THSD7A: variants seen among roughly 807,000 people sequenced by gnomAD.
THSD7A encodes thrombospondin type-1 domain-containing protein 7A.
THSD7A carries 96 observed loss-of-function variants against 231.3 expected under a neutral mutation model. That is an observed-to-expected ratio of 0.41 (90% CI 0.35 to 0.49). THSD7A has a LOEUF of 0.49. Ranked by LOEUF, THSD7A falls within the 20% of genes least tolerant of loss-of-function variation. The pLI is 0.05. For missense variants in THSD7A, 2,290 were observed against 2,070.2 expected, an observed-to-expected ratio of 1.11 and a Z score of -2.06; for synonymous variants, 940 against 743.3, an observed-to-expected ratio of 1.26 and a Z score of -4.30.
intron 4 of THSD7A, among the ~76,000 whole-genome samples, chr7:11,568,646 A>C (rs1426470541): frequency 2.0e-5 from 3 of 146,344 alleles, no homozygotes; most frequent in African/African-American, 5.0e-5. Flanking sequence ...AAAAAAAAAA[A>C]AAAAAAAACC....
intron 9 of THSD7A, among the ~76,000 whole-genome samples, chr7:11,468,646 C>T (rs1785807198): frequency 6.6e-6 from 1 of 151,836 alleles, no homozygotes; most frequent in Non-Finnish European, 1.5e-5. Context: ...CCAGCCTGGC[C>T]AAAATGGCAC....
chr7:11,706,589 C>T (rs1375373695), intron 1 of THSD7A, among the ~76,000 whole-genome samples: 2 of 141,900 alleles, frequency 1.4e-5, no homozygotes, highest in African/African-American at 5.1e-5. Flanking sequence ...TAATTTGCCA[C>T]CACTTAGTTT....
At chr7:11,476,876 T>C (rs988205607) in intron 7 of THSD7A, among the ~76,000 whole-genome samples, 2 of 151,974 alleles carry the variant, frequency 1.3e-5, no homozygotes, top group Admixed American at 6.6e-5. Context: ...CATTTTCATG[T>C]TTAATTCTGA....
rs1204924392 is a variant in THSD7A, at chr7:11,462,001, C to G, written c.2501+10G>C. Reference sequence around the variant, plus strand: ...AGCTCCTCCCTCACGATGCATTTCTCTAACCCTACCTGTAGCTTTGGCACG... The same window carrying G: ...AGCTCCTCCCTCACGATGCATTTCTGTAACCCTACCTGTAGCTTTGGCACG... On this transcript the variant is annotated intron_variant, in intron 10 of 27. Coordinates refer to ENST00000423059, the MANE Select transcript of THSD7A (RefSeq NM_015204.3). The G allele has an allele frequency of 9.9e-6, 16 of 1,612,708 alleles. No homozygotes were observed. Among genetic ancestry groups the G allele is most frequent in the Non-Finnish European group, 1.4e-5 (16 of 1,179,112 alleles).
At chr7:11,830,581 G>T (rs1583325737) in intron 1 of THSD7A, among the ~76,000 whole-genome samples, 1 of 152,208 alleles carries the variant, frequency 6.6e-6, no homozygotes, top group Non-Finnish European at 1.5e-5. Flanking sequence ...TATGTTTCAT[G>T]TAATCTTCTA....
At chr7:11,708,152 A>G (rs1463187814) in intron 1 of THSD7A, among the ~76,000 whole-genome samples, 5 of 150,804 alleles carry the variant, frequency 3.3e-5, no homozygotes, top group Admixed American at 1.3e-4. Context: ...AGCTAAGCAA[A>G]TATTTTATGT....
intron 4 of THSD7A, among the ~76,000 whole-genome samples, chr7:11,572,033 T>G (rs998235722): frequency 6.6e-6 from 1 of 152,196 alleles, no homozygotes; most frequent in Admixed American, 6.5e-5. Context: ...GGAATATCAT[T>G]AATACATTTA....
chr7:11,733,387 T>C (rs988195770), intron 1 of THSD7A, among the ~76,000 whole-genome samples: 9 of 151,918 alleles, frequency 5.9e-5, no homozygotes, highest in Non-Finnish European at 1.3e-4. Flanking sequence ...TGACATTTAA[T>C]GTTAAAAATC....
chr7:11,403,377 A>C (rs1048288528), intron 22 of THSD7A, among the ~76,000 whole-genome samples: 1 of 152,202 alleles, frequency 6.6e-6, no homozygotes, highest in Non-Finnish European at 1.5e-5. Flanking sequence ...AAAGAATGTA[A>C]TTGGTACTCC....
chr7:11,783,659 A>G (rs1562553134), intron 1 of THSD7A, among the ~76,000 whole-genome samples: 1 of 152,180 alleles, frequency 6.6e-6, no homozygotes. Flanking sequence ...AGGTAAATAT[A>G]GATTTGGGCA....
At chr7:11,429,902 A>G (rs1204690736) in intron 13 of THSD7A, among the ~76,000 whole-genome samples, 1 of 152,220 alleles carries the variant, frequency 6.6e-6, no homozygotes, top group Non-Finnish European at 1.5e-5. Context: ...TTAATAGTGC[A>G]CAGATTTGTT....
chr7:11,627,379 T>C (rs1781508106), intron 2 of THSD7A, among the ~76,000 whole-genome samples: 1 of 152,012 alleles, frequency 6.6e-6, no homozygotes. Context: ...CCTTACATAA[T>C]ATACCTACAT....
intron 6 of THSD7A, among the ~76,000 whole-genome samples, chr7:11,502,815 A>G (rs1183093218): frequency 2.0e-5 from 3 of 152,172 alleles, no homozygotes; most frequent in African/African-American, 7.2e-5. Flanking sequence ...GACACAAACA[A>G]ATGGAAAAAC....
At chr7:11,562,832 T>C (rs893873540) in intron 4 of THSD7A, among the ~76,000 whole-genome samples, 3 of 152,340 alleles carry the variant, frequency 2.0e-5, no homozygotes, top group East Asian at 1.9e-4. Context: ...TTTGGTGCCA[T>C]TGGCACTAGT....
chr7:11,677,107 A>G (rs1384227892), intron 1 of THSD7A, among the ~76,000 whole-genome samples: 1 of 151,752 alleles, frequency 6.6e-6, no homozygotes, highest in Non-Finnish European at 1.5e-5. Flanking sequence ...AGTGGAGGCT[A>G]ACATTCAACA....
intron 1 of THSD7A, among the ~76,000 whole-genome samples, chr7:11,812,291 T>TA (rs1784553942): frequency 6.6e-6 from 1 of 152,118 alleles, no homozygotes; most frequent in Non-Finnish European, 1.5e-5. Flanking sequence ...AAATTCACAG[T>TA]AAAAATCTAT....
chr7:11,686,380 G>A (rs1780053038), intron 1 of THSD7A, among the ~76,000 whole-genome samples: 1 of 151,726 alleles, frequency 6.6e-6, no homozygotes, highest in South Asian at 2.1e-4. Flanking sequence ...ATAAAATAAT[G>A]CTATTTAGCA....
chr7:11,598,498 A>C (rs1430448153), intron 2 of THSD7A, among the ~76,000 whole-genome samples: 1 of 152,194 alleles, frequency 6.6e-6, no homozygotes, highest in Non-Finnish European at 1.5e-5. Context: ...GGATGGGCTC[A>C]GCAACATGGA....
At chr7:11,378,517 G>C (rs1408739887) in intron 26 of THSD7A, among the ~76,000 whole-genome samples, 1 of 152,198 alleles carries the variant, frequency 6.6e-6, no homozygotes, top group African/African-American at 2.4e-5. Context: ...TATCCAGAAG[G>C]GAAGGCTCCA....
Sources: allele counts gnomAD v4.1 joint callset (sites outside exome capture counted in the v4.1 genomes callset), GRCh38; gene constraint gnomAD v4.1.1; transcripts MANE v1.5; gene names NCBI Gene and HGNC (gene_info 2026-07-23, HGNC 2026-07-21).